BTBD9: variants seen among roughly 807,000 people sequenced by gnomAD.
The protein encoded by BTBD9 is BTB domain containing 9.
In BTBD9, 49 loss-of-function variants were observed where a neutral mutation model predicts 64.3. That is an observed-to-expected ratio of 0.76 (90% CI 0.61 to 0.97). The LOEUF (loss-of-function observed/expected upper bound fraction) is 0.97. Among genes scored for constraint, BTBD9 ranks in the 50% least tolerant of loss-of-function variants. The probability of loss-of-function intolerance (pLI) is 0.00; values close to 1 mark genes in which losing one functional copy is unlikely to be tolerated. For synonymous variants in BTBD9, 260 were observed against 274.7 expected, an observed-to-expected ratio of 0.95 and a Z score of 0.53; for missense variants, 598 against 762.1, an observed-to-expected ratio of 0.78 and a Z score of 2.53.
chr6:38,447,215 C>T (rs1234681917), intron 6 of BTBD9, among the ~76,000 whole-genome samples: 1 of 152,108 alleles, frequency 6.6e-6, no homozygotes. Flanking sequence ...CAAAAAAATC[C>T]TGCTGGTTTG....
chr6:38,335,301 G>A (rs891874279), intron 7 of BTBD9, among the ~76,000 whole-genome samples: 24 of 149,490 alleles, frequency 1.6e-4, no homozygotes, highest in East Asian at 5.8e-4. Flanking sequence ...TGGCCAGACC[G>A]GAGTGCAGCA....
At position 38,348,496 on chromosome 6, in the gene BTBD9, C is replaced by G. The variant is rs1478472273; in HGVS notation, c.1155-3403G>C. Among the ~76,000 whole-genome samples the G allele has an allele frequency of 2.0e-5, 3 of 152,152 alleles. No homozygotes were observed. In the East Asian group the frequency reaches 5.8e-4, roughly 29 times the overall value. On this transcript the variant is annotated intron_variant, in intron 6 of 10. Coordinates refer to ENST00000481247, the MANE Select transcript of BTBD9 (RefSeq NM_001099272.2). ...CTGAGGTCCTCAACAGCAGCTCAGACAGTTGGAAGATAATTAAAACTTAAA... is the reference window on the plus strand; with the variant it reads ...CTGAGGTCCTCAACAGCAGCTCAGAGAGTTGGAAGATAATTAAAACTTAAA...
At chr6:38,447,318 G>A (rs1769319140) in intron 6 of BTBD9, among the ~76,000 whole-genome samples, 1 of 152,132 alleles carries the variant, frequency 6.6e-6, no homozygotes. Context: ...GTCAATTTTG[G>A]GATCAGAAAA....
chr6:38,190,924 A>G (rs532152768), intron 10 of BTBD9, among the ~76,000 whole-genome samples: 1 of 152,336 alleles, frequency 6.6e-6, no homozygotes, highest in East Asian at 1.9e-4. Context: ...TTATAATACA[A>G]AATTTCAGGG....
At chr6:38,367,117 T>TTCA (rs1193495704) in intron 6 of BTBD9, among the ~76,000 whole-genome samples, 1 of 152,210 alleles carries the variant, frequency 6.6e-6, no homozygotes, top group Non-Finnish European at 1.5e-5. Context: ...GATTTCTGAC[T>TTCA]TAATGAACCA....
At chr6:38,557,519 A>T (rs1157796863) in intron 6 of BTBD9, among the ~76,000 whole-genome samples, 1 of 152,220 alleles carries the variant, frequency 6.6e-6, no homozygotes, top group Non-Finnish European at 1.5e-5. Flanking sequence ...TTCCTGGGTA[A>T]GACCAAATGA....
intron 6 of BTBD9, among the ~76,000 whole-genome samples, chr6:38,419,818 C>T (rs530831121): frequency 3.9e-5 from 6 of 152,040 alleles, no homozygotes; most frequent in East Asian, 1.9e-4. Context: ...TGCGGTAAGC[C>T]GAGATCGCGA....
intron 8 of BTBD9, among the ~76,000 whole-genome samples, chr6:38,260,221 T>A (rs113289151): frequency 1.3e-5 from 2 of 152,204 alleles, no homozygotes; most frequent in Admixed American, 1.3e-4. Flanking sequence ...ATTGAAATCA[T>A]TCGTAACTCT....
At chr6:38,343,482 A>G (rs1441536865) in intron 7 of BTBD9, among the ~76,000 whole-genome samples, 1 of 152,140 alleles carries the variant, frequency 6.6e-6, no homozygotes, top group Non-Finnish European at 1.5e-5. Flanking sequence ...CTTGGTTTCT[A>G]AGATCCTTCT....
chr6:38,604,738 A>T (rs1777369261), intron 1 of BTBD9, among the ~76,000 whole-genome samples: 1 of 152,238 alleles, frequency 6.6e-6, no homozygotes, highest in African/African-American at 2.4e-5. Flanking sequence ...TTATATTCTT[A>T]TATGAGAGTA....
At chr6:38,317,550 T>C (rs1018565435) in intron 7 of BTBD9, among the ~76,000 whole-genome samples, 4 of 152,226 alleles carry the variant, frequency 2.6e-5, no homozygotes, top group Non-Finnish European at 5.9e-5. Context: ...TTCTCTGAGT[T>C]TGGGAAGTTC....
chr6:38,568,974 T>A (rs1775639143), intron 6 of BTBD9, among the ~76,000 whole-genome samples: 1 of 152,242 alleles, frequency 6.6e-6, no homozygotes. Flanking sequence ...CATTTATGTA[T>A]GTTCTCTGAG....
chr6:38,254,831 A>C (rs1764521271), intron 9 of BTBD9, among the ~76,000 whole-genome samples: 1 of 152,232 alleles, frequency 6.6e-6, no homozygotes, highest in African/African-American at 2.4e-5. Flanking sequence ...AAAATGGTGC[A>C]GCTGCTGTGA....
chr6:38,247,605 C>A (rs1327135910), intron 9 of BTBD9, among the ~76,000 whole-genome samples: 4 of 152,184 alleles, frequency 2.6e-5, no homozygotes, highest in Non-Finnish European at 1.5e-5. Context: ...AGGCCAGGGC[C>A]CTTGGAGAGG....
At chr6:38,339,274 AT>A (rs1764014943) in intron 7 of BTBD9, among the ~76,000 whole-genome samples, 1 of 152,196 alleles carries the variant, frequency 6.6e-6, no homozygotes, top group Non-Finnish European at 1.5e-5. Flanking sequence ...ATCTATACTA[AT>A]GAGGACCATG....
At chr6:38,424,808 C>T (rs1000022452) in intron 6 of BTBD9, among the ~76,000 whole-genome samples, 3 of 151,690 alleles carry the variant, frequency 2.0e-5, no homozygotes, top group Admixed American at 2.0e-4. Context: ...TGTGCCACCA[C>T]ACCCAGCCTA....
chr6:38,303,302 G>C (rs1762480215), intron 7 of BTBD9, among the ~76,000 whole-genome samples: 1 of 151,972 alleles, frequency 6.6e-6, no homozygotes, highest in Non-Finnish European at 1.5e-5. Context: ...AATTCATTTT[G>C]AGTTTATTTT....
rs549324558 is a variant in BTBD9 at position 38,433,367 on chromosome 6, A to G, written c.1155-88274T>C. Among the ~76,000 whole-genome samples the G allele has an allele frequency of 4.6e-5, 7 of 152,048 alleles. No homozygotes were observed. In the South Asian group the frequency reaches 1.5e-3, roughly 32 times the overall value. On this transcript the variant is annotated intron_variant, in intron 6 of 10. Transcript: ENST00000481247. ...TATCCCCTGTGACCTGCACATATAC[A>G]TCCAGATGGCCTGAAGCAACTGAAG...
intron 6 of BTBD9, among the ~76,000 whole-genome samples, chr6:38,420,110 C>A (rs2143372): frequency 0.44 from 66,561 of 151,870 alleles, 14,614 homozygotes; most frequent in Non-Finnish European, 0.46. Context: ...TCTTTCTAAG[C>A]TTTTAATTAT....
Sources: allele counts gnomAD v4.1 joint callset (sites outside exome capture counted in the v4.1 genomes callset), GRCh38; gene constraint gnomAD v4.1.1; transcripts MANE v1.5; gene names NCBI Gene and HGNC (gene_info 2026-07-23, HGNC 2026-07-21).